The following NPBWR2 variants were observed in gnomAD, a reference collection of about 807,000 sequenced individuals.
NPBWR2 encodes the protein neuropeptides B/W receptor type 2.
For synonymous variants in NPBWR2, 207 were observed against 223.5 expected (o/e 0.93, Z 0.66); for missense variants, 390 against 458.2 (o/e 0.85, Z 1.36).
chr20:64,106,695 A>T lies in NPBWR2; in HGVS notation c.137T>A (p.Val46Glu). ...CCCGGAGTACACGGCGGGCAGGAGC[A>T]CATAGAGGAACGGCAGTGGCTCGGA... ...TFSEPLPFLY[V>E]LLPAVYSGIC... Residue 46 changes from valine (V) to glutamate (E), a missense_variant, in exon 2 of 2, where the codon GTG (valine) becomes GAG (glutamate). Transcript: ENST00000684052. The surrounding 1 kb of genome is among the most constrained non-coding windows in gnomAD (Gnocchi z 9.5). The T allele has an allele frequency of 6.2e-7, 1 of 1,612,924 alleles. No homozygotes were observed. Among genetic ancestry groups the T allele is most frequent in the Non-Finnish European group, 8.5e-7 (1 of 1,180,038 alleles).
In NPBWR2 at chr20:64,106,043, G is replaced by A. The variant is rs1330515273; in HGVS notation, c.789C>T (p.Leu263=). The change falls in exon 2 of 2, where the codon CTC becomes CTT. Residue 263 remains leucine (L), a synonymous_variant. Coordinates refer to ENST00000684052, the MANE Select transcript of NPBWR2 (RefSeq NM_005286.4). This position sits in a 1 kb window ranked among gnomAD's most constrained non-coding sequence, Gnocchi z 9.5. ...AGAGGAGGCACACGGCCAGCACGAC[G>A]AGGACCAGGACGGTCACCTTCCGCC... ...KARRKVTVLV[L]VVLAVCLLCW... is the part of the protein sequence containing the mutation. 1.2e-5 allele frequency: 19 copies of A among 1,610,606 alleles called. No individual in the cohort carries two copies. Among genetic ancestry groups the A allele is most frequent in the East Asian group, 6.7e-5 (3 of 44,842 alleles).
In NPBWR2 at chr20:64,107,124, G is replaced by A; in HGVS notation, c.-91-202C>T. On this transcript the variant is annotated intron_variant, in intron 1 of 1. Coordinates refer to ENST00000684052, the MANE Select transcript of NPBWR2 (RefSeq NM_005286.4). This position sits in a 1 kb window ranked among gnomAD's most constrained non-coding sequence, Gnocchi z 6.3. The stretch of plus-strand genomic sequence containing the variant: ...GATCAGTTCCCTCCTCCCGCAGAGA[G>A]CAGCTGCTGGCCACCCTCCTGGGAA... The A allele has an allele frequency of 1.9e-6, 1 of 523,700 alleles. No homozygotes were observed. The highest frequency in any genetic ancestry group is 3.5e-6 in the Non-Finnish European group (1 of 284,192). The allele number at this position is 523,700 out of a possible 1,614,324, so 32.4% of individuals were successfully genotyped here.
Position 64,105,717 on chromosome 20 carries a change from G to GTGGGCGTAATGA in NPBWR2, c.*112_*113insTCATTACGCCCA. ...GGTGGGGGTGATGGTGGGGGTGGTGGTGGGGGTGGGGGGGGGTGGGCCTGA... is the reference window on the plus strand; with the variant it reads ...GGTGGGGGTGATGGTGGGGGTGGTGGTGGGCGTAATGATGGGGGTGGGGGGGGGTGGGCCTGA... On this transcript the variant is annotated 3_prime_UTR_variant, in exon 2 of 2. Coordinates refer to ENST00000684052, the MANE Select transcript of NPBWR2 (RefSeq NM_005286.4). 1 of 218,422 alleles carries GTGGGCGTAATGA rather than the reference G, an allele frequency of 4.6e-6. No homozygotes were observed. The highest frequency in any genetic ancestry group is 5.7e-5 in the South Asian group (1 of 17,476). 13.5% of individuals were successfully genotyped at this position (218,422 alleles called of 1,614,324 possible).
In NPBWR2 at chr20:64,105,479, G is replaced by A. The variant is rs1979932851; in HGVS notation, c.*351C>T. ...GCACTGGGATGTGAACAGGCCGGGC[G>A]TCCCCTGAAAGAGACAGCCGGAACT... On this transcript the variant is annotated 3_prime_UTR_variant, in exon 2 of 2. Coordinates refer to ENST00000684052, the MANE Select transcript of NPBWR2 (RefSeq NM_005286.4). Among the ~76,000 whole-genome samples, 2 of 105,594 alleles carry A rather than the reference G, an allele frequency of 1.9e-5. No individual in the cohort carries two copies. The highest frequency in any genetic ancestry group is 3.5e-4 in the South Asian group (1 of 2,854). 69.3% of individuals were successfully genotyped at this position (105,594 alleles called of 152,430 possible). A position where few individuals can be genotyped will look rare whatever the true frequency, so the allele number is the denominator to read the frequency against.
In NPBWR2 at chr20:64,106,959, G is replaced by A; in HGVS notation, c.-91-37C>T. On this transcript the variant is annotated intron_variant, in intron 1 of 1. Coordinates refer to ENST00000684052, the MANE Select transcript of NPBWR2 (RefSeq NM_005286.4). The surrounding 1 kb of genome is among the most constrained non-coding windows in gnomAD (Gnocchi z 9.5). ...AAACAACCAGAGACTTTGAGATCCG[G>A]CCGTCTGTTAGGGCACAGCCACTCC... 1.7e-6 allele frequency: 2 copies of A among 1,207,014 alleles called. No homozygotes were observed. The highest frequency in any genetic ancestry group is 2.3e-6 in the Non-Finnish European group (2 of 869,426). 74.8% of individuals were successfully genotyped at this position (1,207,014 alleles called of 1,614,324 possible). A position where few individuals can be genotyped will look rare whatever the true frequency, so the allele number is the denominator to read the frequency against.
chr20:64,105,560 C>G lies in NPBWR2; in HGVS notation c.*270G>C, dbSNP rs1457812964. 4.5e-4 allele frequency among the ~76,000 whole-genome samples: 1 copy of G among 2,236 alleles called. No individual in the cohort carries two copies. The highest frequency in any genetic ancestry group is 8.9e-4 in the Non-Finnish European group (1 of 1,120). The allele number at this position is 2,236 out of a possible 152,430, so 1.5% of individuals were successfully genotyped here. A position where few individuals can be genotyped will look rare whatever the true frequency, so the allele number is the denominator to read the frequency against. ...TGGTGGGGGTGGTGGGGGGGGTGGG[C>G]GTGATGATGGGGGTGGGGGTGGGGG... On this transcript the variant is annotated 3_prime_UTR_variant, in exon 2 of 2. Coordinates refer to ENST00000684052, the MANE Select transcript of NPBWR2 (RefSeq NM_005286.4).
chr20:64,104,171 C>T lies in NPBWR2; in HGVS notation c.*1659G>A, dbSNP rs916682656. On this transcript the variant is annotated 3_prime_UTR_variant, in exon 2 of 2. Coordinates refer to ENST00000684052, the MANE Select transcript of NPBWR2 (RefSeq NM_005286.4). ...GCCAAGAGTCGGGGCCTGGCCACAG[C>T]ACACCTGGGACCAACCCCTGGCCCC... is the stretch of plus-strand genomic sequence containing the variant. Among the ~76,000 whole-genome samples, 4 of 152,202 alleles carry T rather than the reference C, an allele frequency of 2.6e-5. No individual in the cohort carries two copies. The highest frequency in any genetic ancestry group is 5.9e-5 in the Non-Finnish European group (4 of 68,028).
chr20:64,106,839 G>A lies in NPBWR2; in HGVS notation c.-8C>T. 6.2e-7 allele frequency: 1 copy of A among 1,603,224 alleles called. No homozygotes were observed. Among genetic ancestry groups the A allele is most frequent in the Non-Finnish European group, 8.5e-7 (1 of 1,172,648 alleles). ...GTGCCCAGCGGCCTGCATTGTAGCT[G>A]GGACCGTTGACGATTTGCGCCCTGG... On this transcript the variant is annotated 5_prime_UTR_variant, in exon 2 of 2. Transcript: ENST00000684052. The surrounding 1 kb of genome is among the most constrained non-coding windows in gnomAD (Gnocchi z 9.5).
In NPBWR2 at chr20:64,105,167, T is replaced by A. The variant is rs1345853891; in HGVS notation, c.*663A>T. On this transcript the variant is annotated 3_prime_UTR_variant, in exon 2 of 2. Coordinates refer to ENST00000684052, the MANE Select transcript of NPBWR2 (RefSeq NM_005286.4). Reference sequence around the variant, plus strand: ...CATCTTGGGGAGAGACTATGTAACGTGGCCCAGGTCAAGATCACAGTTCAG... The same window carrying A: ...CATCTTGGGGAGAGACTATGTAACGAGGCCCAGGTCAAGATCACAGTTCAG... Among the ~76,000 whole-genome samples the A allele has an allele frequency of 2.6e-5, 4 of 152,022 alleles. No individual in the cohort carries two copies. The highest frequency in any genetic ancestry group is 5.9e-5 in the Non-Finnish European group (4 of 67,994).
rs1980086161 is a variant in NPBWR2, at chr20:64,107,281, G to A, written c.-92+83C>T. The A allele has an allele frequency of 9.3e-6, 2 of 214,998 alleles. No homozygotes were observed. Among genetic ancestry groups the A allele is most frequent in the Non-Finnish European group, 1.9e-5 (2 of 105,860 alleles). The allele number at this position is 214,998 out of a possible 1,614,324, so 13.3% of individuals were successfully genotyped here. The stretch of plus-strand genomic sequence containing the variant: ...GAATCTGAAGGTCCTTCCCTCAGGG[G>A]TCTTGGAGTCTGCACCCTCCCTCAC... On this transcript the variant is annotated intron_variant, in intron 1 of 1. Transcript: ENST00000684052. This position sits in a 1 kb window ranked among gnomAD's most constrained non-coding sequence, Gnocchi z 6.3.
Position 64,103,844 on chromosome 20 carries a change from A to G in NPBWR2, c.*1986T>C, listed in dbSNP as rs1378963440. Among the ~76,000 whole-genome samples, 1 of 152,264 alleles carries G rather than the reference A, an allele frequency of 6.6e-6. No homozygotes were observed. Among genetic ancestry groups the G allele is most frequent in the African/African-American group, 2.4e-5 (1 of 41,474 alleles). On this transcript the variant is annotated 3_prime_UTR_variant, in exon 2 of 2. Transcript: ENST00000684052. The stretch of plus-strand genomic sequence containing the variant: ...TGTTATTCAGCAACAGATATCTAAT[A>G]CAATGTTGTCAGGGAGGATAAGTGG...
At position 64,105,962 on chromosome 20, in the gene NPBWR2, C is replaced by A. The variant is rs1164019496; in HGVS notation, c.870G>T (p.Gln290His). Reference sequence around the variant, plus strand: ...AGGACATACTGATGACCAGTGGGGTCTGGGGCAGGTCCGTGGTCAGGGCCA... The same window carrying A: ...AGGACATACTGATGACCAGTGGGGTATGGGGCAGGTCCGTGGTCAGGGCCA... The part of the protein sequence containing the change: ...SVVALTTDLP[Q>H]TPLVISMSYV... Residue 290 changes from glutamine to histidine, a missense_variant, in exon 2 of 2, where the codon CAG (glutamine) becomes CAT (histidine). Physicochemically the swap from Gln to His is conservative, Grantham distance 24. Transcript: ENST00000684052. 5 of 1,612,774 alleles carry A rather than the reference C, an allele frequency of 3.1e-6. No homozygotes were observed. Among genetic ancestry groups the A allele is most frequent in the Non-Finnish European group, 4.2e-6 (5 of 1,179,856 alleles).
In NPBWR2 at chr20:64,106,879, C is replaced by A. The variant is rs761625464; in HGVS notation, c.-48G>T. 1.3e-6 allele frequency: 2 copies of A among 1,578,282 alleles called. No homozygotes were observed. Among genetic ancestry groups the A allele is most frequent in the Non-Finnish European group, 8.6e-7 (1 of 1,159,384 alleles). On this transcript the variant is annotated 5_prime_UTR_variant, in exon 2 of 2. Transcript: ENST00000684052. The surrounding 1 kb of genome is among the most constrained non-coding windows in gnomAD (Gnocchi z 9.5). ...TTGCGCCCTGGGCAGGTGGGAGGTG[C>A]CTTGGAGTTGGGTATCTGGTTGGGG...
rs147210336 is a variant in NPBWR2 at position 64,106,463 on chromosome 20, G to A, written c.369C>T (p.Val123=). The change falls in exon 2 of 2, where the codon GTC becomes GTT. Residue 123 remains valine (V), a synonymous_variant. Transcript: ENST00000684052. This position sits in a 1 kb window ranked among gnomAD's most constrained non-coding sequence, Gnocchi z 9.5. ...TGCTGGAGAAGATGTTGTAGTGGTC[G>A]ACGGCCAGCACCAGCTTGCAGAGCA... is the stretch of plus-strand genomic sequence containing the variant. ...GELLCKLVLA[V]DHYNIFSSIY... 1.8e-4 allele frequency: 288 copies of A among 1,612,678 alleles called. 1 individual carries two copies. The highest frequency in any genetic ancestry group is 7.3e-4 in the African/African-American group (55 of 75,006).
Position 64,106,123 on chromosome 20 carries a change from G to A in NPBWR2, c.709C>T (p.Arg237Cys), listed in dbSNP as rs767157361. 60 of 1,612,002 alleles carry A rather than the reference G, an allele frequency of 3.7e-5. No individual in the cohort carries two copies. Among genetic ancestry groups the A allele is most frequent in the Admixed American group, 1.0e-4 (6 of 59,948 alleles). Reference sequence around the variant, plus strand: ...CGGAGCCGCACGGCCCGCAGCCTGCGCAGGAGGTCTGTGTAGAGCACACAG... The same window carrying A: ...CGGAGCCGCACGGCCCGCAGCCTGCACAGGAGGTCTGTGTAGAGCACACAG... Reference protein sequence around the residue: ...TICVLYTDLLRRLRAVRLRSG... With the variant: ...TICVLYTDLLCRLRAVRLRSG... Residue 237 changes from arginine to cysteine, a missense_variant, in exon 2 of 2, where the codon CGC (arginine) becomes TGC (cysteine). Transcript: ENST00000684052. This position sits in a 1 kb window ranked among gnomAD's most constrained non-coding sequence, Gnocchi z 9.5.
In NPBWR2 at chr20:64,106,315, C is replaced by CCAGCCAGACACA; in HGVS notation, c.505_516dup (p.Cys169_Leu172dup). The stretch of plus-strand genomic sequence containing the variant: ...AAGGGCAGAACCAGGACCGTGACGC[C>CCAGCCAGACACA]CAGCCAGACACACAGGCTGGCGACC... On this transcript the variant is annotated inframe_insertion, in exon 2 of 2. Coordinates refer to ENST00000684052, the MANE Select transcript of NPBWR2 (RefSeq NM_005286.4). This position sits in a 1 kb window ranked among gnomAD's most constrained non-coding sequence, Gnocchi z 9.5. 3.1e-6 allele frequency: 5 copies of CCAGCCAGACACA among 1,612,814 alleles called. No individual in the cohort carries two copies. The highest frequency in any genetic ancestry group is 4.2e-6 in the Non-Finnish European group (5 of 1,180,002).
chr20:64,107,241 A>G lies in NPBWR2; in HGVS notation c.-92+123T>C, dbSNP rs1601667949. On this transcript the variant is annotated intron_variant, in intron 1 of 1. Coordinates refer to ENST00000684052, the MANE Select transcript of NPBWR2 (RefSeq NM_005286.4). This position sits in a 1 kb window ranked among gnomAD's most constrained non-coding sequence, Gnocchi z 6.3. ...CTTTGGAAACACACCTCCCAAGCTCATCTCTGGCTCCCTTGAATCTGAAGG... is the reference window on the plus strand; with the variant it reads ...CTTTGGAAACACACCTCCCAAGCTCGTCTCTGGCTCCCTTGAATCTGAAGG... 8.3e-6 allele frequency: 2 copies of G among 242,126 alleles called. No homozygotes were observed. Among genetic ancestry groups the G allele is most frequent in the East Asian group, 9.3e-5 (1 of 10,710 alleles). The allele number at this position is 242,126 out of a possible 1,614,324, so 15.0% of individuals were successfully genotyped here. A position where few individuals can be genotyped will look rare whatever the true frequency, so the allele number is the denominator to read the frequency against.
rs147787913 is a variant in NPBWR2 at position 64,106,109 on chromosome 20, G to A, written c.723C>T (p.Ala241=). The change falls in exon 2 of 2, where the codon GCC becomes GCT. Residue 241 remains alanine, a synonymous_variant. Coordinates refer to ENST00000684052, the MANE Select transcript of NPBWR2 (RefSeq NM_005286.4). This position sits in a 1 kb window ranked among gnomAD's most constrained non-coding sequence, Gnocchi z 9.5. ...LYTDLLRRLR[A]VRLRSGAKAL... Reference sequence around the variant, plus strand: ...CCTTGGCTCCAGAGCGGAGCCGCACGGCCCGCAGCCTGCGCAGGAGGTCTG... The same window carrying A: ...CCTTGGCTCCAGAGCGGAGCCGCACAGCCCGCAGCCTGCGCAGGAGGTCTG... 3.5e-5 allele frequency: 56 copies of A among 1,611,732 alleles called. No individual in the cohort carries two copies. Among genetic ancestry groups the A allele is most frequent in the African/African-American group, 1.2e-4 (9 of 75,012 alleles).
Position 64,105,636 on chromosome 20 carries a change from GTGAT to G in NPBWR2, c.*190_*193del. ...GGGGGTGGGGGTGATGGGGGTGGGCGTGATGGTGGATGTGATGGGGGTGGGCATG... is the reference window on the plus strand; with the variant it reads ...GGGGGTGGGGGTGATGGGGGTGGGCGGGTGGATGTGATGGGGGTGGGCATG... On this transcript the variant is annotated 3_prime_UTR_variant, in exon 2 of 2. Transcript: ENST00000684052. 2.7e-5 allele frequency among the ~76,000 whole-genome samples: 1 copy of G among 37,018 alleles called. No individual in the cohort carries two copies. The highest frequency in any genetic ancestry group is 1.2e-3 in the South Asian group (1 of 810). 24.3% of individuals were successfully genotyped at this position (37,018 alleles called of 152,430 possible).
Sources: gnomAD v4.1 joint callset for allele counts (sites outside exome capture counted in the v4.1 genomes callset) on GRCh38, gnomAD v4.1.1 for gene constraint, Gnocchi (gnomAD v3.1) non-coding constraint, MANE v1.5 for transcripts, NCBI Gene and HGNC (gene_info 2026-07-23, HGNC 2026-07-21) for gene names.